The following DOCK3 variants were observed in gnomAD, a reference collection of about 807,000 sequenced individuals.
The protein encoded by DOCK3 is dedicator of cytokinesis protein 3.
DOCK3 carries 60 observed loss-of-function variants against 265.6 expected under a neutral mutation model. That is an observed-to-expected ratio of 0.23 (90% CI 0.18 to 0.28). The LOEUF (loss-of-function observed/expected upper bound fraction) is 0.28. Ranked by LOEUF, DOCK3 falls within the 10% of genes least tolerant of loss-of-function variation. DOCK3 has a pLI of 1.00. For synonymous variants in DOCK3, 881 were observed against 938.0 expected (o/e 0.94, Z 1.11); for missense variants, 1,981 against 2,594.3 (o/e 0.76, Z 5.14).
intron 51 of DOCK3, among the ~76,000 whole-genome samples, chr3:51,377,099 A>G (rs1441221457): frequency 6.6e-6 from 1 of 152,256 alleles, no homozygotes; most frequent in Non-Finnish European, 1.5e-5. Context: ...TGGCCAGACC[A>G]GGACCCTACC....
intron 6 of DOCK3, among the ~76,000 whole-genome samples, chr3:51,067,429 G>GTGTGTGTGTC (rs779634546): frequency 6.8e-6 from 1 of 148,050 alleles, no homozygotes; most frequent in Non-Finnish European, 1.5e-5. Context: ...AAATATGTTT[G>GTGTGTGTGTC]TGTGTGTGTG....
chr3:51,166,271 G>A (rs1051249294), intron 12 of DOCK3, among the ~76,000 whole-genome samples: 4 of 151,854 alleles, frequency 2.6e-5, no homozygotes, highest in East Asian at 3.9e-4. Flanking sequence ...GGCTGGTCTC[G>A]AACTCCTGAC....
At chr3:50,966,108 T>A (rs2077023797) in intron 5 of DOCK3, among the ~76,000 whole-genome samples, 1 of 152,096 alleles carries the variant, frequency 6.6e-6, no homozygotes, top group Non-Finnish European at 1.5e-5. Context: ...TCACTTTACA[T>A]AATATCCTCC....
At chr3:51,348,996 G>C (rs143957507) in intron 39 of DOCK3, 58 bp downstream of exon 39, 30 of 1,454,694 alleles carry the variant, frequency 2.1e-5, no homozygotes, top group Non-Finnish European at 2.8e-5. Context: ...CTAAATGAGC[G>C]TTCTCTATGG....
Position 51,195,834 on chromosome 3 carries a change from G to C in DOCK3, c.1038-12940G>C, listed in dbSNP as rs542385326. On this transcript the variant is annotated intron_variant, in intron 12 of 52. Transcript: ENST00000266037. Reference sequence around the variant, plus strand: ...CAATGAATCCCCTTAGTATTTGCTTGTCTGGAAAAGATTTTATTTCTCTTT... The same window carrying C: ...CAATGAATCCCCTTAGTATTTGCTTCTCTGGAAAAGATTTTATTTCTCTTT... 3.2e-4 allele frequency among the ~76,000 whole-genome samples: 49 copies of C among 152,234 alleles called. No individual in the cohort carries two copies. The South Asian group carries it at 7.7e-3, about 24-fold the overall frequency.
chr3:51,090,456 A>C (rs893730412), intron 9 of DOCK3, 72 bp downstream of exon 9: 2 of 1,438,264 alleles, frequency 1.4e-6, no homozygotes, highest in Non-Finnish European at 1.9e-6. Context: ...TCTGGCCATC[A>C]GAGAAGACAG....
At chr3:51,248,438 A>G (rs2078945160) in intron 22 of DOCK3, among the ~76,000 whole-genome samples, 1 of 152,198 alleles carries the variant, frequency 6.6e-6, no homozygotes, top group African/African-American at 2.4e-5. Flanking sequence ...CGAGTGATCC[A>G]CCAGCCTCGG....
intron 1 of DOCK3, among the ~76,000 whole-genome samples, chr3:50,718,441 G>A (rs1039055637): frequency 1.3e-5 from 2 of 152,068 alleles, no homozygotes; most frequent in Non-Finnish European, 2.9e-5. Context: ...TTCAGTGTTA[G>A]ATATTGCAGT....
chr3:50,849,381 CACATAT>C, intron 3 of DOCK3, among the ~76,000 whole-genome samples: 2 of 151,370 alleles, frequency 1.3e-5, no homozygotes, highest in South Asian at 4.2e-4. Flanking sequence ...CGCACACATA[CACATAT>C]ATACACACAC....
chr3:50,982,325 A>G (rs1371034114), intron 5 of DOCK3, among the ~76,000 whole-genome samples: 1 of 152,022 alleles, frequency 6.6e-6, no homozygotes, highest in Non-Finnish European at 1.5e-5. Flanking sequence ...TATTTTTCAT[A>G]CTTTTATTTC....
chr3:51,079,068 G>C (rs940502766), intron 7 of DOCK3, among the ~76,000 whole-genome samples: 2 of 152,118 alleles, frequency 1.3e-5, no homozygotes, highest in African/African-American at 2.4e-5. Context: ...AGATTCAAAA[G>C]AATATCCTTT....
At chr3:51,084,112 T>C (rs1056842688) in intron 7 of DOCK3, among the ~76,000 whole-genome samples, 3 of 151,966 alleles carry the variant, frequency 2.0e-5, no homozygotes, top group African/African-American at 7.3e-5. Flanking sequence ...CAAATAAATA[T>C]TCAAATTTTG....
intron 21 of DOCK3, among the ~76,000 whole-genome samples, chr3:51,239,583 T>C (rs2078515161): frequency 6.6e-6 from 1 of 150,942 alleles, no homozygotes; most frequent in East Asian, 1.9e-4. Flanking sequence ...TGTTTTTTGT[T>C]TTTTTTGTTT....
At chr3:50,681,845 A>T (rs2034439058) in intron 1 of DOCK3, among the ~76,000 whole-genome samples, 1 of 152,266 alleles carries the variant, frequency 6.6e-6, no homozygotes, top group Non-Finnish European at 1.5e-5. Flanking sequence ...GAAGAATTAG[A>T]GTGTGATAAA....
At chr3:51,043,476 A>T (rs985381504) in intron 5 of DOCK3, among the ~76,000 whole-genome samples, 3 of 152,224 alleles carry the variant, frequency 2.0e-5, no homozygotes, top group Non-Finnish European at 4.4e-5. Context: ...CCCAAACTAC[A>T]AAAACCCTAG....
intron 12 of DOCK3, among the ~76,000 whole-genome samples, chr3:51,180,207 C>CAAAAAA (rs769429969): frequency 9.0e-6 from 1 of 111,274 alleles, no homozygotes; most frequent in Non-Finnish European, 1.8e-5. Flanking sequence ...GACCCTGTCT[C>CAAAAAA]AAAAAAAAAA....
At chr3:51,217,260 A>G (rs1480004096) in intron 14 of DOCK3, among the ~76,000 whole-genome samples, 1 of 152,054 alleles carries the variant, frequency 6.6e-6, no homozygotes, top group Admixed American at 6.6e-5. Context: ...TAGCTAACAT[A>G]TGATTTCTAA....
intron 5 of DOCK3, among the ~76,000 whole-genome samples, chr3:50,947,888 C>T (rs1228750670): frequency 1.4e-5 from 2 of 145,248 alleles, no homozygotes; most frequent in African/African-American, 2.5e-5. Context: ...TGGAGTCTTG[C>T]TCTGTTGCCC....
chr3:51,131,343 T>C (rs1364910968), intron 9 of DOCK3, among the ~76,000 whole-genome samples: 1 of 152,160 alleles, frequency 6.6e-6, no homozygotes, highest in African/African-American at 2.4e-5. Flanking sequence ...GTACCCAAAA[T>C]GCCTCATCAT....
Sources: gnomAD v4.1 joint callset for allele counts (sites outside exome capture counted in the v4.1 genomes callset) on GRCh38, gnomAD v4.1.1 for gene constraint, MANE v1.5 for transcripts, NCBI Gene and HGNC (gene_info 2026-07-23, HGNC 2026-07-21) for gene names.